The following SLC25A43 variants were observed in gnomAD, a reference collection of about 807,000 sequenced individuals.
The protein encoded by SLC25A43 is solute carrier family 25 member 43, also known as solute carrier family 25, member 43.
SLC25A43 carries 10 observed loss-of-function variants against 22.8 expected under a neutral mutation model. The ratio of observed to expected loss-of-function variants is 0.44; its 90% confidence interval spans 0.27 to 0.74. SLC25A43 has a LOEUF of 0.74. SLC25A43 is among the 30% of genes least tolerant of loss of function. SLC25A43 has a pLI of 0.17. For missense variants in SLC25A43, 233 were observed against 279.1 expected (o/e 0.83, Z 1.18); for synonymous variants, 106 against 121.6 (o/e 0.87, Z 0.84).
At chrX:119,421,507 A>G (rs2147271591) in intron 3 of SLC25A43, among the ~76,000 whole-genome samples, 1 of 112,099 alleles carries the variant, frequency 8.9e-6, no homozygotes, top group East Asian at 2.8e-4. Context: ...CCAAGCCCTG[A>G]AGACTAAGTG....
intron 2 of SLC25A43, among the ~76,000 whole-genome samples, 159 bp from the exon 3 acceptor site, chrX:119,410,031 G>A (rs772984410): frequency 3.6e-5 from 4 of 111,499 alleles, no homozygotes; most frequent in Admixed American, 9.5e-5. Context: ...GCACATTATC[G>A]CACTCAAGAA....
intron 1 of SLC25A43, among the ~76,000 whole-genome samples, chrX:119,400,337 A>T (rs1478166834): frequency 9.0e-6 from 1 of 111,295 alleles, no homozygotes; most frequent in Non-Finnish European, 1.9e-5. Context: ...CTTCTCCCAC[A>T]TCAACAGCTG....
chrX:119,406,406 C>T, intron 1 of SLC25A43, 54 bp from the exon 2 acceptor site: 1 of 1,190,108 alleles, frequency 8.4e-7, no homozygotes, highest in East Asian at 3.0e-5. Context: ...GTGGAGAGAA[C>T]TCTAGCACAA....
intron 3 of SLC25A43, among the ~76,000 whole-genome samples, chrX:119,442,759 T>TAA (rs1291717637): frequency 8.9e-6 from 1 of 112,585 alleles, no homozygotes; most frequent in African/African-American, 3.2e-5. Context: ...TGAATTTTGA[T>TAA]ATTTGTTTTC....
intron 3 of SLC25A43, among the ~76,000 whole-genome samples, chrX:119,421,989 C>T (rs1038816072): frequency 1.9e-4 from 21 of 111,766 alleles, no homozygotes; most frequent in African/African-American, 6.5e-4. Context: ...AATCTCGGCT[C>T]ACTGCAACCT....
chrX:119,420,685 G>A (rs1353277895), intron 3 of SLC25A43, among the ~76,000 whole-genome samples: 2 of 112,067 alleles, frequency 1.8e-5, no homozygotes, highest in African/African-American at 3.2e-5. Flanking sequence ...CTTACCAACT[G>A]TGCGATCCTT....
intron 3 of SLC25A43, among the ~76,000 whole-genome samples, chrX:119,431,524 A>AAAAAAG (rs1569373269): frequency 2.7e-5 from 3 of 110,795 alleles, no homozygotes; most frequent in African/African-American, 9.8e-5. Flanking sequence ...CAGAAAAAAA[A>AAAAAAG]AAAAGAAAAG....
chrX:119,431,864 C>T (rs1295686759), intron 3 of SLC25A43, among the ~76,000 whole-genome samples: 4 of 110,895 alleles, frequency 3.6e-5, no homozygotes, highest in Non-Finnish European at 5.7e-5. Context: ...AAACGAGAAG[C>T]TAAGGGAGGC....
At chrX:119,404,821 A>G (rs1331722614) in intron 1 of SLC25A43, among the ~76,000 whole-genome samples, 1 of 71,642 alleles carries the variant, frequency 1.4e-5, no homozygotes, top group African/African-American at 5.5e-5. Context: ...CTGATGAGCT[A>G]AAAAAAAAAA....
chrX:119,408,847 G>C (rs1329430189), intron 2 of SLC25A43, among the ~76,000 whole-genome samples: 4 of 110,755 alleles, frequency 3.6e-5, no homozygotes, highest in Non-Finnish European at 7.6e-5. Context: ...ACTGGGCCAT[G>C]ATATGACCAT....
intron 3 of SLC25A43, among the ~76,000 whole-genome samples, chrX:119,420,776 T>C (rs2052445345): frequency 8.9e-6 from 1 of 112,041 alleles, no homozygotes; most frequent in African/African-American, 3.2e-5. Flanking sequence ...AAAGAGAATG[T>C]AGGGAAACCC....
At chrX:119,426,125 G>A (rs977554597) in intron 3 of SLC25A43, 12 of 582,689 alleles carry the variant, frequency 2.1e-5, no homozygotes, top group African/African-American at 5.0e-5. Context: ...GGGAGGACCC[G>A]CAGCTGGCTG....
intron 3 of SLC25A43, among the ~76,000 whole-genome samples, chrX:119,451,501 C>T (rs934691052): frequency 8.9e-6 from 1 of 111,795 alleles, no homozygotes; most frequent in African/African-American, 3.3e-5. Context: ...CAGCTAAGTG[C>T]TTCTGTCGTG....
intron 3 of SLC25A43, among the ~76,000 whole-genome samples, chrX:119,420,634 C>CCAGACCAT (rs1486300046): frequency 6.3e-5 from 7 of 111,518 alleles, no homozygotes; most frequent in Non-Finnish European, 1.1e-4. Context: ...TTGATGGTCC[C>CCAGACCAT]CAGAGAAAAA....
chrX:119,402,101 G>A (rs1453711096), intron 1 of SLC25A43, among the ~76,000 whole-genome samples: 2 of 112,221 alleles, frequency 1.8e-5, no homozygotes, highest in African/African-American at 6.5e-5. Flanking sequence ...TGATACTCTT[G>A]ATTCATCATT....
At chrX:119,431,295 A>G (rs993272401) in intron 3 of SLC25A43, among the ~76,000 whole-genome samples, 1 of 111,867 alleles carries the variant, frequency 8.9e-6, no homozygotes, top group African/African-American at 3.3e-5. Context: ...AGGTAGGCAG[A>G]TCACCTGTGG....
Position 119,443,116 on chromosome X carries a change from CT to C in SLC25A43, c.691-8872del, listed in dbSNP as rs58081965. Among the ~76,000 whole-genome samples the C allele has an allele frequency of 4.4e-3, 325 of 73,433 alleles. 1 individual carries two copies. The highest frequency in any genetic ancestry group is 0.016 in the African/African-American group (296 of 18,849). 63.8% of individuals were successfully genotyped at this position (73,433 alleles called of 115,157 possible). A position where few individuals can be genotyped will look rare whatever the true frequency, so the allele number is the denominator to read the frequency against. ...CAGTCTTTCTTTTCCCATTCTCTCT[CT>C]TTTTTTTTTTTTTTTTTTTTGAGAC... On this transcript the variant is annotated intron_variant, in intron 3 of 4. Transcript: ENST00000217909.
intron 3 of SLC25A43, among the ~76,000 whole-genome samples, chrX:119,422,328 C>T (rs1039077115): frequency 1.6e-4 from 18 of 111,750 alleles, no homozygotes; most frequent in African/African-American, 5.5e-4. Flanking sequence ...AACACTATTG[C>T]CCTGCTGTTC....
At chrX:119,434,079 GGAAA>G (rs1288224093) in intron 3 of SLC25A43, among the ~76,000 whole-genome samples, 2 of 110,944 alleles carry the variant, frequency 1.8e-5, no homozygotes, top group Non-Finnish European at 3.8e-5. Flanking sequence ...GGGTGAGAGT[GGAAA>G]GAAAGAAAAG....
Sources: gnomAD v4.1 joint callset for allele counts (sites outside exome capture counted in the v4.1 genomes callset) on GRCh38, gnomAD v4.1.1 for gene constraint, MANE v1.5 for transcripts, NCBI Gene and HGNC (gene_info 2026-07-23, HGNC 2026-07-21) for gene names.